DMD: variants seen among roughly 807,000 people sequenced by gnomAD.
The protein encoded by DMD is dystrophin.
A neutral mutation model predicts 330.1 loss-of-function variants in DMD; 63 were observed. The ratio of observed to expected loss-of-function variants is 0.19; its 90% CI spans 0.16 to 0.24. The LOEUF is 0.24. Among genes scored for constraint, DMD ranks in the 10% least tolerant of loss-of-function variants. The pLI is 1.00. For missense variants in DMD, 3,344 were observed against 2,684.1 expected (o/e 1.25, Z -5.43); for synonymous variants, 1,223 against 959.8 (o/e 1.27, Z -5.07).
intron 44 of DMD, among the ~76,000 whole-genome samples, chrX:32,048,406 C>G (rs2096079232): frequency 9.5e-6 from 1 of 105,789 alleles, no homozygotes; most frequent in Admixed American, 1.0e-4. Context: ...CACATCATAT[C>G]AACCAGTCTC....
chrX:33,336,632 G>A (rs780994518), intron 1 of DMD, among the ~76,000 whole-genome samples: 2 of 111,350 alleles, frequency 1.8e-5, no homozygotes, highest in Non-Finnish European at 3.8e-5. Context: ...TGAGAGAATT[G>A]GGGAAAACTC....
rs990375038 is a variant in DMD, at chrX:31,996,243, G to A, written c.6439-27729C>T. Among the ~76,000 whole-genome samples, 18 of 111,872 alleles carry A rather than the reference G, an allele frequency of 1.6e-4. No homozygotes were observed. In the East Asian group the frequency reaches 1.7e-3, roughly 11 times the overall value. On this transcript the variant is annotated intron_variant, in intron 44 of 78. Transcript: ENST00000357033. ...TGAATCTTTGAAATACCAAAACTTC[G>A]AGTAGGTAAAGTGGTTCTCAACAAT... is the stretch of plus-strand genomic sequence containing the variant.
chrX:32,615,165 C>G (rs1423970128), intron 11 of DMD, among the ~76,000 whole-genome samples: 1 of 111,500 alleles, frequency 9.0e-6, no homozygotes, highest in Non-Finnish European at 1.9e-5. Flanking sequence ...TGCTTATATT[C>G]TCGGTCTTCA....
At chrX:32,718,188 G>A (rs185171434) in intron 7 of DMD, among the ~76,000 whole-genome samples, 55 of 111,367 alleles carry the variant, frequency 4.9e-4, no homozygotes, top group African/African-American at 1.7e-3. Flanking sequence ...GTTTGGCACT[G>A]TGTCCCTGCC....
chrX:32,551,068 G>A (rs766989354), intron 16 of DMD, among the ~76,000 whole-genome samples: 2 of 110,842 alleles, frequency 1.8e-5, no homozygotes, highest in Non-Finnish European at 3.8e-5. Context: ...AGAAGGAAAA[G>A]CTGGTATCAT....
chrX:33,306,064 A>G (rs1259664405), intron 1 of DMD, among the ~76,000 whole-genome samples: 2 of 111,868 alleles, frequency 1.8e-5, no homozygotes, highest in South Asian at 3.7e-4. Flanking sequence ...GCCACACACA[A>G]TGGATAGGTA....
intron 7 of DMD, among the ~76,000 whole-genome samples, chrX:32,728,383 G>T (rs926571197): frequency 9.0e-6 from 1 of 111,537 alleles, no homozygotes; most frequent in African/African-American, 3.3e-5. Flanking sequence ...CACCATGTGA[G>T]GTCTATATTC....
At chrX:32,580,750 AG>A (rs1190904510) in intron 13 of DMD, among the ~76,000 whole-genome samples, 14 of 112,140 alleles carry the variant, frequency 1.2e-4, no homozygotes, top group Non-Finnish European at 1.7e-4. Context: ...TACTTGATAA[AG>A]CTTATGTTTT....
At chrX:32,589,946 C>T (rs1378425434) in intron 13 of DMD, among the ~76,000 whole-genome samples, 1 of 111,660 alleles carries the variant, frequency 9.0e-6, no homozygotes, top group East Asian at 2.8e-4. Context: ...GACTCACCCA[C>T]GAACACTCAT....
At position 32,713,523 on chromosome X, in the gene DMD, C is replaced by T. The variant is rs190901680; in HGVS notation, c.650-14230G>A. 5.6e-3 allele frequency among the ~76,000 whole-genome samples: 627 copies of T among 111,723 alleles called. 4 individuals are homozygous for T. Among genetic ancestry groups the T allele is most frequent in the African/African-American group, 0.019 (592 of 30,797 alleles). On this transcript the variant is annotated intron_variant, in intron 7 of 78. Coordinates refer to ENST00000357033, the MANE Select transcript of DMD (RefSeq NM_004006.3). ...GGTGCAGCTTTCACTGAACTCCGTT[C>T]CCCCTTTCCTTTCAGCTACTATATA...
intron 52 of DMD, among the ~76,000 whole-genome samples, chrX:31,721,726 A>C (rs866137681): frequency 0.023 from 1,751 of 74,650 alleles, 23 homozygotes; most frequent in Non-Finnish European, 0.028. Context: ...CTCTATATAT[A>C]TATATATATA....
rs1246394111 is a variant in DMD, at chrX:32,173,066, G to GGGGTGTGTGT, written c.6438+43849_6438+43850insACACACACCC. Among the ~76,000 whole-genome samples, 261 of 89,621 alleles carry GGGGTGTGTGT rather than the reference G, an allele frequency of 2.9e-3. 1 individual carries two copies. Among genetic ancestry groups the GGGGTGTGTGT allele is most frequent in the African/African-American group, 0.011 (251 of 23,170 alleles). 77.8% of individuals were successfully genotyped at this position (89,621 alleles called of 115,157 possible). On this transcript the variant is annotated intron_variant, in intron 44 of 78. Coordinates refer to ENST00000357033, the MANE Select transcript of DMD (RefSeq NM_004006.3). ...TTTTCAGCTTGTGATACCTGATTTT[G>GGGGTGTGTGT]GTGTGTGTGTGTGTGTGTGTGTGTG...
intron 62 of DMD, among the ~76,000 whole-genome samples, chrX:31,273,761 T>A (rs111557844): frequency 2.7e-5 from 3 of 111,937 alleles, no homozygotes; most frequent in African/African-American, 9.7e-5. Flanking sequence ...TAGCTGTGTA[T>A]TATAGCAAAG....
chrX:32,342,977 C>A, intron 40 of DMD, 157 bp downstream of exon 40: 1 of 547,434 alleles, frequency 1.8e-6, no homozygotes, highest in Non-Finnish European at 3.1e-6. Flanking sequence ...ACACTTAATA[C>A]AATACATTTA....
At chrX:32,675,212 C>T (rs893945420) in intron 9 of DMD, among the ~76,000 whole-genome samples, 3 of 111,273 alleles carry the variant, frequency 2.7e-5, no homozygotes, top group Non-Finnish European at 5.7e-5. Context: ...GATGTATTAT[C>T]TTACTACAAC....
At chrX:32,492,052 A>G in intron 19 of DMD, among the ~76,000 whole-genome samples, 1 of 112,306 alleles carries the variant, frequency 8.9e-6, no homozygotes, top group Non-Finnish European at 1.9e-5. Context: ...AAATAAACAG[A>G]TTGTCGGCTG....
At chrX:32,042,184 T>TACAC (rs1313100940) in intron 44 of DMD, among the ~76,000 whole-genome samples, 1 of 40,106 alleles carries the variant, frequency 2.5e-5, no homozygotes, top group African/African-American at 1.2e-4. Flanking sequence ...CATATATACA[T>TACAC]ACATATACAC....
intron 26 of DMD, among the ~76,000 whole-genome samples, chrX:32,452,064 G>A (rs1603633770): frequency 9.2e-6 from 1 of 109,002 alleles, no homozygotes; most frequent in East Asian, 2.9e-4. Context: ...GATCTGACTG[G>A]GTTGTTGGTG....
chrX:31,966,767 T>C (rs747405653), intron 45 of DMD, among the ~76,000 whole-genome samples: 2 of 111,233 alleles, frequency 1.8e-5, no homozygotes, highest in South Asian at 7.4e-4. Context: ...TAAATTATAA[T>C]GTGCCTTTAG....
Sources: allele counts gnomAD v4.1 joint callset (sites outside exome capture counted in the v4.1 genomes callset), GRCh38; gene constraint gnomAD v4.1.1; transcripts MANE v1.5; gene names NCBI Gene and HGNC (gene_info 2026-07-23, HGNC 2026-07-21).